Variants in DSCAM observed in about 807,000 individuals in gnomAD.
The protein encoded by DSCAM is DS cell adhesion molecule, also known as cell adhesion molecule DSCAM.
A neutral mutation model predicts 217.7 loss-of-function variants in DSCAM; 47 were observed. The ratio of observed to expected loss-of-function variants is 0.22; its 90% CI spans 0.17 to 0.28. The LOEUF (loss-of-function observed/expected upper bound fraction) is 0.28, where lower values mean the gene tolerates loss of function less well. DSCAM is among the 10% of genes least tolerant of loss of function. The pLI is 1.00. For missense variants in DSCAM, 2,080 were observed against 2,618.3 expected (o/e 0.79, Z 4.49); for synonymous variants, 1,056 against 1,015.3 (o/e 1.04, Z -0.76).
intron 3 of DSCAM, among the ~76,000 whole-genome samples, chr21:40,570,761 C>T (rs186764429): frequency 5.3e-5 from 8 of 152,146 alleles, no homozygotes; most frequent in African/African-American, 1.9e-4. Context: ...ATTTGATGGG[C>T]TTAATAGCAG....
intron 3 of DSCAM, among the ~76,000 whole-genome samples, chr21:40,419,741 A>T (rs147431588): frequency 5.3e-5 from 8 of 152,356 alleles, no homozygotes; most frequent in African/African-American, 1.9e-4. Context: ...TGATATGGTC[A>T]TGAAACCTAA....
In DSCAM at chr21:40,621,700, A is replaced by G. The variant is rs761514344; in HGVS notation, c.508+71110T>C. Among the ~76,000 whole-genome samples, 10 of 151,884 alleles carry G rather than the reference A, an allele frequency of 6.6e-5. 1 individual carries two copies. The highest frequency in any genetic ancestry group is 1.5e-4 in the Non-Finnish European group (10 of 67,994). The stretch of plus-strand genomic sequence containing the variant: ...CTCTTAGGGAGCCACCCATTCATCT[A>G]TATCTCAATTTTGCACCAAGGGGAG... On this transcript the variant is annotated intron_variant, in intron 3 of 32. Coordinates refer to ENST00000400454, the MANE Select transcript of DSCAM (RefSeq NM_001389.5).
chr21:40,668,707 C>T (rs1181140968), intron 3 of DSCAM, among the ~76,000 whole-genome samples: 3 of 152,120 alleles, frequency 2.0e-5, no homozygotes. Context: ...GAACATAAAA[C>T]TTTATCTGTT....
chr21:40,401,547 G>T (rs1012541280), intron 3 of DSCAM, among the ~76,000 whole-genome samples: 4 of 152,118 alleles, frequency 2.6e-5, no homozygotes, highest in African/African-American at 9.7e-5. Flanking sequence ...GAAAGTGAAT[G>T]ATATCTCAAT....
intron 1 of DSCAM, among the ~76,000 whole-genome samples, chr21:40,803,946 T>G (rs1321825817): frequency 2.0e-5 from 3 of 152,134 alleles, no homozygotes; most frequent in Admixed American, 2.0e-4. Context: ...CCATTTCTCC[T>G]TCTCTAACCT....
intron 32 of DSCAM, among the ~76,000 whole-genome samples, chr21:40,019,036 C>G (rs2088215844): frequency 1.3e-5 from 2 of 152,194 alleles, no homozygotes; most frequent in South Asian, 4.1e-4. Flanking sequence ...AATGCACTTA[C>G]AGAGAAGAGA....
At chr21:40,259,656 C>T (rs915633124) in intron 11 of DSCAM, among the ~76,000 whole-genome samples, 6 of 113,248 alleles carry the variant, frequency 5.3e-5, no homozygotes, top group African/African-American at 1.8e-4. Context: ...TTTGAGTCAG[C>T]CATTCTTTTT....
chr21:40,784,910 T>A (rs989793548), intron 1 of DSCAM, among the ~76,000 whole-genome samples: 1 of 152,234 alleles, frequency 6.6e-6, no homozygotes, highest in Non-Finnish European at 1.5e-5. Flanking sequence ...GTAGCCCAAG[T>A]GAACTGAGAC....
intron 3 of DSCAM, among the ~76,000 whole-genome samples, chr21:40,653,110 T>C (rs1300362260): frequency 6.6e-6 from 1 of 152,212 alleles, no homozygotes; most frequent in African/African-American, 2.4e-5. Context: ...GACTCCTTCC[T>C]ATGCACTTTT....
intron 11 of DSCAM, among the ~76,000 whole-genome samples, chr21:40,255,944 G>C (rs1380837909): frequency 6.6e-6 from 1 of 152,194 alleles, no homozygotes; most frequent in Non-Finnish European, 1.5e-5. Flanking sequence ...CTTTGGCTTT[G>C]TGATATGTGA....
At chr21:40,757,078 G>T (rs1288811304) in intron 1 of DSCAM, among the ~76,000 whole-genome samples, 1 of 152,032 alleles carries the variant, frequency 6.6e-6, no homozygotes, top group Non-Finnish European at 1.5e-5. Context: ...AGGCTGGAGT[G>T]CAGTGGCATG....
At chr21:40,708,063 T>C (rs1397802853) in intron 2 of DSCAM, among the ~76,000 whole-genome samples, 1 of 152,176 alleles carries the variant, frequency 6.6e-6, no homozygotes, top group Non-Finnish European at 1.5e-5. Flanking sequence ...GCTCAACCAT[T>C]TGTCATTTTT....
intron 3 of DSCAM, among the ~76,000 whole-genome samples, chr21:40,590,690 T>A (rs2076977839): frequency 6.6e-6 from 1 of 152,178 alleles, no homozygotes; most frequent in Non-Finnish European, 1.5e-5. Context: ...AACAAGAGAC[T>A]ATACTTGGGT....
rs1376988508 is a variant in DSCAM at position 40,183,087 on chromosome 21, ACCGTGG to A, written c.2780-3999_2780-3994del. 3.8e-3 allele frequency among the ~76,000 whole-genome samples: 145 copies of A among 38,386 alleles called. 58 individuals are homozygous for A. The highest frequency in any genetic ancestry group is 0.017 in the African/African-American group (132 of 7,836). 25.2% of individuals were successfully genotyped at this position (38,386 alleles called of 152,430 possible). A position where few individuals can be genotyped will look rare whatever the true frequency, so the allele number is the denominator to read the frequency against. On this transcript the variant is annotated intron_variant, in intron 14 of 32. Transcript: ENST00000400454. ...TGGACAGGAGGGGGCTACCAGAGAA[ACCGTGG>A]ACGGGGGGGGTTACCAGAGAAACCG...
In DSCAM at chr21:40,426,300, A is replaced by T. The variant is rs2075474448; in HGVS notation, c.509-57055T>A. Among the ~76,000 whole-genome samples, 5 of 152,214 alleles carry T rather than the reference A, an allele frequency of 3.3e-5. No individual in the cohort carries two copies. The South Asian group carries it at 1.0e-3, about 31-fold the overall frequency. The stretch of plus-strand genomic sequence containing the variant: ...GTCACAAATGTTGTCACTTTACAAG[A>T]TCCATGGACAGTTTGTTGGAAAACC... On this transcript the variant is annotated intron_variant, in intron 3 of 32. Transcript: ENST00000400454.
intron 3 of DSCAM, among the ~76,000 whole-genome samples, chr21:40,671,930 C>A (rs1001016402): frequency 6.6e-6 from 1 of 152,090 alleles, no homozygotes; most frequent in South Asian, 2.1e-4. Flanking sequence ...ATGGCTTAGA[C>A]AACAGAAAGT....
At chr21:40,588,987 T>A (rs2076965370) in intron 3 of DSCAM, among the ~76,000 whole-genome samples, 1 of 152,198 alleles carries the variant, frequency 6.6e-6, no homozygotes, top group Non-Finnish European at 1.5e-5. Context: ...TCAAACTGTA[T>A]GTGTATGAAA....
chr21:40,422,027 T>A (rs895076084), intron 3 of DSCAM, among the ~76,000 whole-genome samples: 20 of 152,358 alleles, frequency 1.3e-4, no homozygotes, highest in Non-Finnish European at 2.2e-4. Flanking sequence ...TTGACACAAC[T>A]GCTATCTTTC....
At chr21:40,813,988 G>A (rs1327624687) in intron 1 of DSCAM, among the ~76,000 whole-genome samples, 1 of 152,096 alleles carries the variant, frequency 6.6e-6, no homozygotes, top group Non-Finnish European at 1.5e-5. Context: ...GCTTTATGAG[G>A]GGTATGAGGC....
Sources: allele counts gnomAD v4.1 joint callset (sites outside exome capture counted in the v4.1 genomes callset), GRCh38; gene constraint gnomAD v4.1.1; transcripts MANE v1.5; gene names NCBI Gene and HGNC (gene_info 2026-07-23, HGNC 2026-07-21).